ATP8A2: variants seen among roughly 807,000 people sequenced by gnomAD.
ATP8A2 encodes ATPase phospholipid transporting 8A2, also known as phospholipid-transporting ATPase IB.
In ATP8A2, 100 loss-of-function variants were observed where a neutral mutation model predicts 165.6. The ratio of observed to expected loss-of-function variants is 0.60; its 90% CI spans 0.51 to 0.71. The LOEUF (loss-of-function observed/expected upper bound fraction) is 0.71. Among genes scored for constraint, ATP8A2 ranks in the 30% least tolerant of loss-of-function variants. The pLI is 0.00. For missense variants in ATP8A2, 1,227 were observed against 1,479.5 expected, an observed-to-expected ratio of 0.83 and a Z score of 2.80; for synonymous variants, 543 against 548.8, an observed-to-expected ratio of 0.99 and a Z score of 0.15.
At chr13:25,425,404 ACGT>A (rs2034417179) in intron 1 of ATP8A2, among the ~76,000 whole-genome samples, 6 of 151,302 alleles carry the variant, frequency 4.0e-5, no homozygotes, top group African/African-American at 1.2e-4. Context: ...TACTTGCAAG[ACGT>A]CATAAATTTG....
chr13:25,459,045 A>T lies in ATP8A2; in HGVS notation c.77-9932A>T, dbSNP rs555928012. On this transcript the variant is annotated intron_variant, in intron 1 of 36. Transcript: ENST00000381655. The stretch of plus-strand genomic sequence containing the variant: ...CCAAATGCCAGCAAGGGGACCAGGG[A>T]TGTCATTCTGCAGACCAGAGGAGGC... Among the ~76,000 whole-genome samples the T allele has an allele frequency of 2.0e-5, 3 of 152,280 alleles. No individual in the cohort carries two copies. In the East Asian group the frequency reaches 5.8e-4, roughly 29 times the overall value.
At position 25,511,117 on chromosome 13, in the gene ATP8A2, T is replaced by C. The variant is rs541244454; in HGVS notation, c.222-18882T>C. ...GAAATGATCTCTCTGAACTCTCTTA[T>C]AGATGCAGATTTCAGTTAATTACCT... On this transcript the variant is annotated intron_variant, in intron 2 of 36. Coordinates refer to ENST00000381655, the MANE Select transcript of ATP8A2 (RefSeq NM_016529.6). Among the ~76,000 whole-genome samples, 8 of 152,336 alleles carry C rather than the reference T, an allele frequency of 5.3e-5. No homozygotes were observed. The East Asian group carries it at 1.5e-3, about 29-fold the overall frequency.
intron 27 of ATP8A2, among the ~76,000 whole-genome samples, chr13:25,794,624 G>A (rs1334721239): frequency 5.3e-5 from 8 of 152,042 alleles, no homozygotes; most frequent in South Asian, 4.1e-4. Context: ...ACAAGGGTGC[G>A]CAGTTATCAA....
In ATP8A2 at chr13:25,806,460, A is replaced by G. The variant is rs111345100; in HGVS notation, c.2680-21658A>G. Among the ~76,000 whole-genome samples, 404 of 152,194 alleles carry G rather than the reference A, an allele frequency of 2.7e-3. 2 individuals are homozygous for G. The highest frequency in any genetic ancestry group is 9.0e-3 in the African/African-American group (372 of 41,544). ...GCCCAAGTTTCTGAAAAACAGCTGA[A>G]GCCAACATTACCAGGAATGTCATCT... is the stretch of plus-strand genomic sequence containing the variant. On this transcript the variant is annotated intron_variant, in intron 27 of 36. Transcript: ENST00000381655.
chr13:25,483,665 C>CCAAGG (rs1378996797), intron 2 of ATP8A2, among the ~76,000 whole-genome samples: 2 of 152,116 alleles, frequency 1.3e-5, no homozygotes, highest in African/African-American at 4.8e-5. Flanking sequence ...CTTTGGGAGG[C>CCAAGG]CAAGGCAGGA....
chr13:25,636,761 A>G (rs563533878), intron 24 of ATP8A2, among the ~76,000 whole-genome samples: 1 of 152,220 alleles, frequency 6.6e-6, no homozygotes, highest in African/African-American at 2.4e-5. Context: ...ATGTTTTTCT[A>G]AACAACTTTT....
intron 2 of ATP8A2, among the ~76,000 whole-genome samples, chr13:25,507,836 A>G (rs1169211826): frequency 6.6e-6 from 1 of 152,196 alleles, no homozygotes. Flanking sequence ...CTTGATATAC[A>G]AATGAGTAGT....
chr13:25,871,762 G>A (rs1952684536), intron 33 of ATP8A2, among the ~76,000 whole-genome samples: 1 of 152,138 alleles, frequency 6.6e-6, no homozygotes, highest in Non-Finnish European at 1.5e-5. Flanking sequence ...TTAGCCAGCT[G>A]TCATAAGTGT....
At chr13:25,970,816 C>T (rs1955895056) in intron 35 of ATP8A2, among the ~76,000 whole-genome samples, 1 of 151,782 alleles carries the variant, frequency 6.6e-6, no homozygotes, top group African/African-American at 2.4e-5. Context: ...TGTGTGAGCC[C>T]ATTTTTGCTT....
rs537012502 is a variant in ATP8A2, at chr13:25,482,625, C to G, written c.221+13504C>G. ...TTTGGCTCTGGGTCCCTACCCAAAT[C>G]TCATCTTGAATTGTAGCTCCCATAA... On this transcript the variant is annotated intron_variant, in intron 2 of 36. Coordinates refer to ENST00000381655, the MANE Select transcript of ATP8A2 (RefSeq NM_016529.6). Among the ~76,000 whole-genome samples, 5 of 152,300 alleles carry G rather than the reference C, an allele frequency of 3.3e-5. No homozygotes were observed. The South Asian group carries it at 1.0e-3, about 32-fold the overall frequency.
intron 24 of ATP8A2, among the ~76,000 whole-genome samples, chr13:25,647,690 T>C (rs1172443264): frequency 1.3e-5 from 2 of 151,960 alleles, no homozygotes; most frequent in Non-Finnish European, 2.9e-5. Context: ...TTTTTTCTTT[T>C]TTTTTTCTTT....
intron 24 of ATP8A2, among the ~76,000 whole-genome samples, chr13:25,684,763 T>C (rs377689195): frequency 6.8e-6 from 1 of 146,412 alleles, no homozygotes; most frequent in African/African-American, 2.5e-5. Context: ...TCTTTTTTTT[T>C]GTTCTTCACA....
intron 33 of ATP8A2, among the ~76,000 whole-genome samples, chr13:25,935,082 C>T (rs1270293593): frequency 6.6e-6 from 1 of 152,166 alleles, no homozygotes; most frequent in Admixed American, 6.5e-5. Flanking sequence ...GGATGTCCAG[C>T]AAACACCCTA....
intron 25 of ATP8A2, among the ~76,000 whole-genome samples, chr13:25,718,969 A>G (rs551917403): frequency 6.6e-6 from 1 of 152,282 alleles, no homozygotes; most frequent in South Asian, 2.1e-4. Context: ...TGGGGACACC[A>G]GTGGCATTTT....
chr13:25,769,218 G>A lies in ATP8A2; in HGVS notation c.2557G>A (p.Ala853Thr), dbSNP rs770750344. The change falls in exon 26 of 37, where the codon GCC becomes ACC. Residue 853 changes from alanine to threonine, a missense_variant. Physicochemically the swap from Ala to Thr is moderately conservative, Grantham distance 58 (BLOSUM62 0). This residue lies in a region of ATP8A2 where 592 missense variants were observed against 785.6 expected (regional missense o/e 0.75). Transcript: ENST00000381655. ...GCAGGCCACCAACAACTCGGATTAC[G>A]CCATCGCACAGGTCAGCAGCTTGGG... The part of the protein sequence containing the change: ...GMQATNNSDY[A>T]IAQFSYLEKL... 50 of 1,610,604 alleles carry A rather than the reference G, an allele frequency of 3.1e-5. No homozygotes were observed. The highest frequency in any genetic ancestry group is 2.3e-5 in the Non-Finnish European group (27 of 1,177,272).
At chr13:25,629,649 C>G in intron 24 of ATP8A2, among the ~76,000 whole-genome samples, 1 of 152,164 alleles carries the variant, frequency 6.6e-6, no homozygotes, top group East Asian at 1.9e-4. Flanking sequence ...ATAGCTTAAG[C>G]TATGAGGCAA....
intron 24 of ATP8A2, among the ~76,000 whole-genome samples, chr13:25,618,575 T>A (rs1190184877): frequency 6.6e-6 from 1 of 152,062 alleles, no homozygotes. Flanking sequence ...CAACTTTGTC[T>A]GTTTTAAGCT....
chr13:25,664,319 G>C (rs1016211640), intron 24 of ATP8A2, among the ~76,000 whole-genome samples: 4 of 152,226 alleles, frequency 2.6e-5, no homozygotes, highest in African/African-American at 9.6e-5. Context: ...TATTGATTAG[G>C]TTGTAAGAGA....
rs1036564536 is a variant in ATP8A2, at chr13:25,732,241, A to G, written c.2384+32896A>G. On this transcript the variant is annotated intron_variant, in intron 25 of 36. Transcript: ENST00000381655. ...GATGCTTTCTGGGCTGTTATCTCCAATATCCTTGCTAGATGAGCAGCCTCG... is the reference window on the plus strand; with the variant it reads ...GATGCTTTCTGGGCTGTTATCTCCAGTATCCTTGCTAGATGAGCAGCCTCG... 1.3e-5 allele frequency among the ~76,000 whole-genome samples: 2 copies of G among 152,184 alleles called. 1 individual carries two copies. Among genetic ancestry groups the G allele is most frequent in the South Asian group, 4.1e-4 (2 of 4,828 alleles).
Sources: allele counts gnomAD v4.1 joint callset (sites outside exome capture counted in the v4.1 genomes callset), GRCh38; gene constraint gnomAD v4.1.1; regional missense constraint gnomAD v4.1.1; transcripts MANE v1.5; gene names NCBI Gene and HGNC (gene_info 2026-07-23, HGNC 2026-07-21).